PSD3: variants seen among roughly 807,000 people sequenced by gnomAD.
The protein encoded by PSD3 is pleckstrin and Sec7 domain containing 3.
Under a neutral mutation model 105.5 loss-of-function variants are expected in PSD3, and 49 were observed. That is an observed-to-expected ratio of 0.46 (90% CI 0.37 to 0.59). The LOEUF (loss-of-function observed/expected upper bound fraction) is 0.59, where lower values mean the gene tolerates loss of function less well. PSD3 is among the 20% of genes least tolerant of loss of function. PSD3 has a pLI of 0.00. For missense variants in PSD3, 1,561 were observed against 1,263.8 expected (o/e 1.24, Z -3.57); for synonymous variants, 557 against 457.8 (o/e 1.22, Z -2.77).
chr8:18,679,729 A>T (rs1215591944), intron 9 of PSD3, among the ~76,000 whole-genome samples: 1 of 152,244 alleles, frequency 6.6e-6, no homozygotes. Flanking sequence ...AGGATGCGGC[A>T]TCCTGACTGA....
intron 9 of PSD3, among the ~76,000 whole-genome samples, chr8:18,752,631 ATAAT>A (rs1805688680): frequency 4.9e-5 from 4 of 82,424 alleles, no homozygotes; most frequent in East Asian, 7.0e-4. Flanking sequence ...TATATTATAT[ATAAT>A]ATATATAATA....
intron 9 of PSD3, among the ~76,000 whole-genome samples, chr8:18,750,879 T>G (rs1805426495): frequency 2.0e-5 from 3 of 151,960 alleles, no homozygotes; most frequent in Non-Finnish European, 4.4e-5. Flanking sequence ...TTTACAAACC[T>G]TGAGCTAGAT....
chr8:18,631,819 A>C (rs1366731938), intron 11 of PSD3, among the ~76,000 whole-genome samples: 1 of 151,936 alleles, frequency 6.6e-6, no homozygotes, highest in Admixed American at 6.6e-5. Context: ...GAATATGCTA[A>C]CACATTAAGA....
intron 2 of PSD3, among the ~76,000 whole-genome samples, chr8:18,934,217 G>A (rs1821927717): frequency 6.6e-6 from 1 of 152,296 alleles, no homozygotes; most frequent in East Asian, 1.9e-4. Flanking sequence ...AGCAACAGCT[G>A]TATGTATTAA....
chr8:18,722,033 T>C (rs1170624052), intron 9 of PSD3, among the ~76,000 whole-genome samples: 2 of 152,022 alleles, frequency 1.3e-5, no homozygotes, highest in Non-Finnish European at 2.9e-5. Context: ...TCTAAACTGG[T>C]GCAGACATAC....
chr8:19,084,763 C>T (rs774069342), upstream of PSD3: 2 of 285,900 alleles, frequency 7.0e-6, no homozygotes, highest in South Asian at 3.5e-5. Flanking sequence ...AAAGGAGGGG[C>T]AGCTGAGCCC....
At chr8:18,796,533 C>T (rs1050369090) in intron 8 of PSD3, among the ~76,000 whole-genome samples, 2 of 152,210 alleles carry the variant, frequency 1.3e-5, no homozygotes, top group Non-Finnish European at 2.9e-5. Flanking sequence ...TATTAGTATA[C>T]ATTCCATTAT....
chr8:18,799,554 A>G (rs1401782714), intron 7 of PSD3, among the ~76,000 whole-genome samples: 2 of 152,232 alleles, frequency 1.3e-5, no homozygotes, highest in Non-Finnish European at 2.9e-5. Flanking sequence ...TCCACTGTTG[A>G]TAAGTTGTTC....
chr8:18,723,970 G>T (rs998450901), intron 9 of PSD3, among the ~76,000 whole-genome samples: 2 of 152,120 alleles, frequency 1.3e-5, no homozygotes, highest in African/African-American at 4.8e-5. Context: ...AGTAGTCACA[G>T]CAGTGAAACA....
intron 15 of PSD3, among the ~76,000 whole-genome samples, chr8:18,543,745 G>C (rs976069425): frequency 3.9e-5 from 6 of 152,070 alleles, no homozygotes; most frequent in African/African-American, 1.4e-4. Flanking sequence ...CATGTAAACT[G>C]CTACTTGGGT....
At chr8:18,757,708 C>T (rs572067522) in intron 9 of PSD3, among the ~76,000 whole-genome samples, 99 of 152,356 alleles carry the variant, frequency 6.5e-4, no homozygotes, top group African/African-American at 2.2e-3. Flanking sequence ...CTTTCCACTT[C>T]CACTTTCCTA....
At chr8:18,655,923 G>A (rs1462419635) in intron 9 of PSD3, among the ~76,000 whole-genome samples, 2 of 152,078 alleles carry the variant, frequency 1.3e-5, no homozygotes, top group East Asian at 3.8e-4. Context: ...TATCAATAAG[G>A]CACAGTACTG....
chr8:18,550,508 C>G lies in PSD3; in HGVS notation c.2928+5701G>C, dbSNP rs1800697714. The stretch of plus-strand genomic sequence containing the variant: ...GGGTTATATCCCAGATAAACCCATT[C>G]TAAGTTGAAAATATCGTAAGTCAAA... On this transcript the variant is annotated intron_variant, in intron 15 of 15. Transcript: ENST00000327040. Among the ~76,000 whole-genome samples, 2 of 152,172 alleles carry G rather than the reference C, an allele frequency of 1.3e-5. 1 individual carries two copies. Among genetic ancestry groups the G allele is most frequent in the South Asian group, 4.1e-4 (2 of 4,834 alleles).
chr8:18,826,760 G>GAT (rs1248317956), intron 4 of PSD3, among the ~76,000 whole-genome samples: 1 of 152,144 alleles, frequency 6.6e-6, no homozygotes. Context: ...AAACACCCAG[G>GAT]ATCAACTTTC....
chr8:18,768,265 G>A (rs1041467073), intron 8 of PSD3, among the ~76,000 whole-genome samples: 3 of 151,292 alleles, frequency 2.0e-5, no homozygotes, highest in East Asian at 2.0e-4. Flanking sequence ...CAGCCTGAGC[G>A]ACAGAGAGAG....
chr8:18,885,531 A>G (rs1818397696), intron 2 of PSD3, among the ~76,000 whole-genome samples: 1 of 152,194 alleles, frequency 6.6e-6, no homozygotes, highest in Non-Finnish European at 1.5e-5. Context: ...GTGATGATCA[A>G]CTACAGCTGT....
intron 11 of PSD3, among the ~76,000 whole-genome samples, chr8:18,619,570 G>A (rs567362516): frequency 6.6e-6 from 1 of 151,846 alleles, no homozygotes; most frequent in Non-Finnish European, 1.5e-5. Flanking sequence ...TTGAACCCGG[G>A]AGGCAGAGGT....
chr8:18,877,169 C>G (rs773602967), intron 2 of PSD3, among the ~76,000 whole-genome samples: 1 of 152,174 alleles, frequency 6.6e-6, no homozygotes, highest in Non-Finnish European at 1.5e-5. Context: ...TTTACTTTTG[C>G]TGAAATCCAA....
chr8:19,047,059 C>T (rs897074581), intron 1 of PSD3, among the ~76,000 whole-genome samples: 1 of 150,642 alleles, frequency 6.6e-6, no homozygotes, highest in Non-Finnish European at 1.5e-5. Flanking sequence ...ATCCCACTCC[C>T]TCTCCGGGGC....
Sources: gnomAD v4.1 joint callset for allele counts (sites outside exome capture counted in the v4.1 genomes callset) on GRCh38, gnomAD v4.1.1 for gene constraint, MANE v1.5 for transcripts, NCBI Gene and HGNC (gene_info 2026-07-23, HGNC 2026-07-21) for gene names.